Variants in SARDH observed in about 807,000 individuals in gnomAD.
The protein encoded by SARDH is sarcosine dehydrogenase, also known as sarcosine dehydrogenase, mitochondrial.
SARDH carries 95 observed loss-of-function variants against 109.1 expected under a neutral mutation model. The ratio of observed to expected loss-of-function variants is 0.87; its 90% CI spans 0.74 to 1.03. The LOEUF is 1.03. SARDH is among the 50% of genes least tolerant of loss of function. The pLI, the probability that SARDH is intolerant of heterozygous loss-of-function variation, is 0.00. For synonymous variants in SARDH, 572 were observed against 534.8 expected (o/e 1.07, Z -0.96); for missense variants, 1,267 against 1,287.8 (o/e 0.98, Z 0.25).
chr9:133,662,943 C>T (rs533331563), downstream of SARDH, among the ~76,000 whole-genome samples: 1 of 152,184 alleles, frequency 6.6e-6, no homozygotes, highest in African/African-American at 2.4e-5. This position sits in a 1 kb window ranked among gnomAD's most constrained non-coding sequence, Gnocchi z 5.1. Flanking sequence ...TTCTGACACA[C>T]AGGCAGTTAT....
In SARDH at chr9:133,732,430, A is replaced by G. The variant is rs1158195113; in HGVS notation, c.503T>C (p.Leu168Pro). Reference sequence around the variant, plus strand: ...CCGCAGGGGAGCACACACCGACATGAGCCTCTTGTACTCGTCCAGGCGCTG... The same window carrying G: ...CCGCAGGGGAGCACACACCGACATGGGCCTCTTGTACTCGTCCAGGCGCTG... ...NRQRLDEYKR[L>P]MSLGKAYGVE... The change falls in exon 3 of 21, where the codon CTC becomes CCC. Residue 168 changes from leucine (L) to proline (P), a missense_variant. By Grantham distance (98) the Leu-to-Pro change is moderately conservative. Coordinates refer to ENST00000439388, the MANE Select transcript of SARDH (RefSeq NM_001134707.2). 6.9e-7 allele frequency: 1 copy of G among 1,439,158 alleles called. No individual in the cohort carries two copies. Among genetic ancestry groups the G allele is most frequent in the African/African-American group, 1.5e-5 (1 of 67,478 alleles). The allele number at this position is 1,439,158 out of a possible 1,614,324, so 89.1% of individuals were successfully genotyped here.
At chr9:133,690,279 A>T in intron 16 of SARDH, 101 bp downstream of exon 16, 1 of 1,381,358 alleles carries the variant, frequency 7.2e-7, no homozygotes, top group Non-Finnish European at 9.9e-7. Context: ...AACTATTCAG[A>T]ATGGCCCATT....
chr9:133,714,722 G>C, intron 8 of SARDH, among the ~76,000 whole-genome samples: 1 of 152,186 alleles, frequency 6.6e-6, no homozygotes, highest in East Asian at 1.9e-4. Flanking sequence ...AGAGGCTGCA[G>C]GGAGCCAAAA....
chr9:133,719,104 T>A (rs2131468184), intron 6 of SARDH, 62 bp from the exon 7 acceptor site: 1 of 1,400,628 alleles, frequency 7.1e-7, no homozygotes. Flanking sequence ...TGGTTCCCCA[T>A]GCCCCGTGGT....
At chr9:133,680,068 C>G (rs1376147220) in intron 17 of SARDH, among the ~76,000 whole-genome samples, 1 of 152,244 alleles carries the variant, frequency 6.6e-6, no homozygotes, top group Non-Finnish European at 1.5e-5. Context: ...GTCATCAACA[C>G]ATTTTTAAGC....
In SARDH at chr9:133,663,745, T is replaced by G; in HGVS notation, c.*144A>C. 1.6e-5 allele frequency: 18 copies of G among 1,122,100 alleles called. No homozygotes were observed. Among genetic ancestry groups the G allele is most frequent in the Non-Finnish European group, 1.9e-5 (15 of 778,114 alleles). The allele number at this position is 1,122,100 out of a possible 1,614,324, so 69.5% of individuals were successfully genotyped here. On this transcript the variant is annotated 3_prime_UTR_variant, in exon 21 of 21. Transcript: ENST00000439388. ...CATCTTGGTCTCTGTCCGTATCTGGTTTGGGGGTTTTCGCAGGACTAGGCC... is the reference window on the plus strand; with the variant it reads ...CATCTTGGTCTCTGTCCGTATCTGGGTTGGGGGTTTTCGCAGGACTAGGCC...
chr9:133,677,891 C>T (rs981388620), intron 17 of SARDH, among the ~76,000 whole-genome samples: 12 of 152,252 alleles, frequency 7.9e-5, no homozygotes, highest in Admixed American at 3.9e-4. Context: ...GAGAGGATCC[C>T]TCTGTGGAAT....
chr9:133,675,039 C>G (rs1475998278), intron 17 of SARDH, among the ~76,000 whole-genome samples: 1 of 152,148 alleles, frequency 6.6e-6, no homozygotes, highest in Admixed American at 6.6e-5. Context: ...AAGTCAAATA[C>G]CACCATTAAA....
intron 13 of SARDH, among the ~76,000 whole-genome samples, chr9:133,698,039 A>G (rs1018690809): frequency 9.3e-5 from 14 of 150,298 alleles, no homozygotes; most frequent in Middle Eastern, 3.4e-3. Flanking sequence ...AAGAAAAAAA[A>G]CTGTTAGAAC....
intron 6 of SARDH, 135 bp downstream of exon 6, chr9:133,729,630 C>T: frequency 1.5e-6 from 1 of 683,862 alleles, no homozygotes; most frequent in Non-Finnish European, 2.5e-6. Context: ...ATCCCCATTT[C>T]ACAGATGAGG....
intron 2 of SARDH, among the ~76,000 whole-genome samples, chr9:133,733,610 C>T (rs770709295): frequency 9.9e-5 from 15 of 152,208 alleles, no homozygotes; most frequent in Non-Finnish European, 1.6e-4. Context: ...CAGCTTCACT[C>T]TCCAGGCCAC....
chr9:133,685,362 T>A, intron 16 of SARDH, 76 bp from the exon 17 acceptor site: 2 of 1,166,184 alleles, frequency 1.7e-6, no homozygotes, highest in South Asian at 1.3e-5. Context: ...CCCGGGGACC[T>A]GCCATGAGTG....
intron 6 of SARDH, among the ~76,000 whole-genome samples, chr9:133,721,566 G>GC (rs1832326554): frequency 6.6e-6 from 1 of 152,218 alleles, no homozygotes; most frequent in Non-Finnish European, 1.5e-5. Flanking sequence ...CTTAGACCAT[G>GC]CAGCGGTCAG....
intron 19 of SARDH, 96 bp downstream of exon 19, chr9:133,670,488 G>T: frequency 1.5e-6 from 2 of 1,319,500 alleles, no homozygotes; most frequent in Non-Finnish European, 2.1e-6. Flanking sequence ...GGGAAGTGTT[G>T]GTACCAGGGG....
At position 133,705,126 on chromosome 9, in the gene SARDH, C is replaced by T. The variant is rs536425499; in HGVS notation, c.1471-95G>A. On this transcript the variant is annotated intron_variant, in intron 11 of 20. Coordinates refer to ENST00000439388, the MANE Select transcript of SARDH (RefSeq NM_001134707.2). ...ATCCGCCACTTTACACCCAAGGGTG[C>T]GGAGAGCAAGGAGGCCCTGACTCTT... 218 of 1,286,084 alleles carry T rather than the reference C, an allele frequency of 1.7e-4. No homozygotes were observed. The African/African-American group carries it at 2.2e-3, about 13-fold the overall frequency. The allele number at this position is 1,286,084 out of a possible 1,614,324, so 79.7% of individuals were successfully genotyped here. A position where few individuals can be genotyped will look rare whatever the true frequency, so the allele number is the denominator to read the frequency against.
At chr9:133,690,572 G>A (rs1166293927) in intron 15 of SARDH, 45 bp from the exon 16 acceptor site, 5 of 1,578,770 alleles carry the variant, frequency 3.2e-6, no homozygotes, top group Non-Finnish European at 4.3e-6. Context: ...TCAGGGCCTG[G>A]GAGGTGGGGA....
In SARDH at chr9:133,734,143, C is replaced by A; in HGVS notation, c.31G>T (p.Ala11Ser). The A allele has an allele frequency of 6.2e-7, 1 of 1,606,782 alleles. No individual in the cohort carries two copies. Among genetic ancestry groups the A allele is most frequent in the Non-Finnish European group, 8.5e-7 (1 of 1,176,982 alleles). MASLSRALRV[A>S]AAHPRQSPTR... ...GGGCTCTGGCGAGGGTGGGCAGCAG[C>A]CACACGTAGGGCTCGGCTCAGTGAG... The change falls in exon 2 of 21, where the codon GCT becomes TCT. Residue 11 changes from alanine (A) to serine (S), a missense_variant. Coordinates refer to ENST00000439388, the MANE Select transcript of SARDH (RefSeq NM_001134707.2).
chr9:133,691,127 T>C (rs988549270), intron 15 of SARDH, among the ~76,000 whole-genome samples: 1 of 149,486 alleles, frequency 6.7e-6, no homozygotes, highest in Non-Finnish European at 1.5e-5. Flanking sequence ...CTGGATGGAA[T>C]CCTCAGCTCT....
At chr9:133,717,265 TA>T in intron 8 of SARDH, 60 bp downstream of exon 8, 1 of 1,598,842 alleles carries the variant, frequency 6.3e-7, no homozygotes, top group Non-Finnish European at 8.5e-7. Context: ...GCATCACTAC[TA>T]ACAGTCATCA....
Sources: allele counts gnomAD v4.1 joint callset (sites outside exome capture counted in the v4.1 genomes callset), GRCh38; gene constraint gnomAD v4.1.1; non-coding constraint Gnocchi (gnomAD v3.1); transcripts MANE v1.5; gene names NCBI Gene and HGNC (gene_info 2026-07-23, HGNC 2026-07-21).